Variants in PPP2R2C observed in about 807,000 individuals in gnomAD.
PPP2R2C encodes the protein protein phosphatase 2 regulatory subunit Bgamma.
In PPP2R2C, 10 loss-of-function variants were observed where a neutral mutation model predicts 45.3. That is an observed-to-expected ratio of 0.22 (90% confidence interval 0.14 to 0.37). The LOEUF is 0.37. Ranked by LOEUF, PPP2R2C falls within the 10% of genes least tolerant of loss-of-function variation. The pLI is 1.00. For missense variants in PPP2R2C, 308 were observed against 619.7 expected, an observed-to-expected ratio of 0.50 and a Z score of 5.34; for synonymous variants, 257 against 245.4, an observed-to-expected ratio of 1.05 and a Z score of -0.44.
Position 6,378,233 on chromosome 4 carries a change from A to C in PPP2R2C, c.334+174T>G, listed in dbSNP as rs1715500867. On this transcript the variant is annotated intron_variant, in intron 3 of 8. Transcript: ENST00000382599. The surrounding 1 kb of genome is among the most constrained non-coding windows in gnomAD (Gnocchi z 5.2). ...TGTGTCCAGACACAGGGAGCGTCTG[A>C]GGGGGTCTGGCATACTCACTCATGG... 1 of 857,296 alleles carries C rather than the reference A, an allele frequency of 1.2e-6. No homozygotes were observed. Among genetic ancestry groups the C allele is most frequent in the South Asian group, 5.4e-5 (1 of 18,576 alleles). The allele number at this position is 857,296 out of a possible 1,614,324, so 53.1% of individuals were successfully genotyped here. A position where few individuals can be genotyped will look rare whatever the true frequency, so the allele number is the denominator to read the frequency against.
At chr4:6,337,724 C>A (rs1733094709) in intron 6 of PPP2R2C, among the ~76,000 whole-genome samples, 1 of 152,174 alleles carries the variant, frequency 6.6e-6, no homozygotes, top group Admixed American at 6.5e-5. Flanking sequence ...GCAGGAAAAA[C>A]CGCAAAGATC....
chr4:6,495,509 A>G (rs562569502), intron 2 of PPP2R2C, among the ~76,000 whole-genome samples: 1 of 151,826 alleles, frequency 6.6e-6, no homozygotes, highest in East Asian at 1.9e-4. Flanking sequence ...CCGCCCCCAC[A>G]CTCTATGTCC....
chr4:6,462,594 G>C (rs1721384041), intron 1 of PPP2R2C, among the ~76,000 whole-genome samples: 1 of 152,246 alleles, frequency 6.6e-6, no homozygotes, highest in Non-Finnish European at 1.5e-5. Flanking sequence ...AAACGCAGGT[G>C]CAGGACTTTG....
intron 1 of PPP2R2C, among the ~76,000 whole-genome samples, chr4:6,456,634 A>G (rs973851657): frequency 1.3e-5 from 2 of 152,222 alleles, no homozygotes; most frequent in African/African-American, 4.8e-5. Flanking sequence ...CGAAGCAGAC[A>G]GGCTGGCTGG....
At chr4:6,512,120 G>T (rs138608297) in intron 2 of PPP2R2C, among the ~76,000 whole-genome samples, 59 of 19,874 alleles carry the variant, frequency 3.0e-3, no homozygotes, top group East Asian at 8.1e-3. Context: ...GTGATGGTGG[G>T]GGTGGTGGTG....
chr4:6,508,591 A>AAAAAAG (rs917364517), intron 2 of PPP2R2C, among the ~76,000 whole-genome samples: 8 of 152,272 alleles, frequency 5.3e-5, no homozygotes, highest in African/African-American at 1.9e-4. Context: ...TCCATCTCAA[A>AAAAAAG]AAAAAGAAAA....
At chr4:6,542,567 G>C (rs779358562) in intron 1 of PPP2R2C, among the ~76,000 whole-genome samples, 63 of 151,858 alleles carry the variant, frequency 4.1e-4, no homozygotes, top group Non-Finnish European at 6.5e-4. Flanking sequence ...TGGTGGCATG[G>C]TGGCAGGCAC....
intron 2 of PPP2R2C, among the ~76,000 whole-genome samples, chr4:6,519,282 C>T (rs937814185): frequency 4.6e-5 from 7 of 152,154 alleles, no homozygotes; most frequent in East Asian, 1.9e-4. Context: ...AGAGCCCCCA[C>T]GGCACCTAGG....
At chr4:6,524,490 C>T (rs1724131581) in intron 2 of PPP2R2C, among the ~76,000 whole-genome samples, 1 of 152,138 alleles carries the variant, frequency 6.6e-6, no homozygotes, top group Non-Finnish European at 1.5e-5. Context: ...CTCTCAGAAC[C>T]AGAACAGGGT....
chr4:6,492,024 G>A (rs977634180), intron 2 of PPP2R2C, among the ~76,000 whole-genome samples: 13 of 152,164 alleles, frequency 8.5e-5, no homozygotes, highest in Admixed American at 5.9e-4. Context: ...TCCAGGGACC[G>A]GTAACACCAG....
intron 1 of PPP2R2C, among the ~76,000 whole-genome samples, chr4:6,420,221 C>G (rs773482144): frequency 2.0e-5 from 3 of 152,198 alleles, no homozygotes; most frequent in Non-Finnish European, 4.4e-5. Flanking sequence ...GGCTGTGCAA[C>G]GACAGGAGGC....
chr4:6,406,674 T>C (rs1287516378), intron 1 of PPP2R2C, among the ~76,000 whole-genome samples: 1 of 152,020 alleles, frequency 6.6e-6, no homozygotes, highest in East Asian at 1.9e-4. Context: ...GGAGAATCCA[T>C]TGAACCTGGG....
At position 6,343,037 on chromosome 4, in the gene PPP2R2C, A is replaced by G. The variant is rs192911758; in HGVS notation, c.790+4809T>C. ...TGAGTTTTGAGCAGTAATTGGATAC[A>G]TGGATGGAAGTGGGAGGTGAAGAAC... On this transcript the variant is annotated intron_variant, in intron 6 of 8. Coordinates refer to ENST00000382599, the MANE Select transcript of PPP2R2C (RefSeq NM_020416.4). 4.6e-5 allele frequency among the ~76,000 whole-genome samples: 7 copies of G among 152,348 alleles called. No homozygotes were observed. In the East Asian group the frequency reaches 1.3e-3, roughly 29 times the overall value.
At chr4:6,554,968 A>T (rs1411389973) in intron 1 of PPP2R2C, among the ~76,000 whole-genome samples, 1 of 136,026 alleles carries the variant, frequency 7.4e-6, no homozygotes, top group Non-Finnish European at 1.6e-5. Flanking sequence ...AGAAAGAAAG[A>T]GAAAGAAAGA....
chr4:6,433,222 G>A (rs1168540375), intron 1 of PPP2R2C, among the ~76,000 whole-genome samples: 1 of 152,114 alleles, frequency 6.6e-6, no homozygotes, highest in Non-Finnish European at 1.5e-5. Context: ...TCGAGGGTCT[G>A]CTCTGTTGCT....
intron 1 of PPP2R2C, among the ~76,000 whole-genome samples, chr4:6,446,893 C>A (rs1422993136): frequency 6.8e-4 from 94 of 138,730 alleles, no homozygotes; most frequent in Middle Eastern, 3.8e-3. Context: ...AAAAAAAAAA[C>A]AAAACATGCT....
At chr4:6,511,468 G>C (rs116511288) in intron 2 of PPP2R2C, among the ~76,000 whole-genome samples, 29 of 110,976 alleles carry the variant, frequency 2.6e-4, no homozygotes, top group Non-Finnish European at 4.1e-4. Flanking sequence ...GATGACGGTG[G>C]TGGTGGTGAT....
chr4:6,417,398 G>C (rs1211039301), intron 1 of PPP2R2C, among the ~76,000 whole-genome samples: 2 of 152,218 alleles, frequency 1.3e-5, no homozygotes, highest in Non-Finnish European at 2.9e-5. Context: ...TGGGCCTTGG[G>C]AATCTTCCAA....
At chr4:6,448,054 C>G (rs748487955) in intron 1 of PPP2R2C, among the ~76,000 whole-genome samples, 1 of 152,108 alleles carries the variant, frequency 6.6e-6, no homozygotes, top group Non-Finnish European at 1.5e-5. Flanking sequence ...GCACTACGAC[C>G]GGGGGATGCA....
Sources: allele counts gnomAD v4.1 joint callset (sites outside exome capture counted in the v4.1 genomes callset), GRCh38; gene constraint gnomAD v4.1.1; non-coding constraint Gnocchi (gnomAD v3.1); transcripts MANE v1.5; gene names NCBI Gene and HGNC (gene_info 2026-07-23, HGNC 2026-07-21).